STK4: variants seen among roughly 807,000 people sequenced by gnomAD.
STK4 encodes serine/threonine-protein kinase 4.
A neutral mutation model predicts 64.9 loss-of-function variants in STK4; 30 were observed. The observed-to-expected ratio is 0.46, with a 90% CI of 0.35 to 0.63. The LOEUF is 0.63. Ranked by LOEUF, STK4 falls within the 20% of genes least tolerant of loss-of-function variation. The pLI, the probability that STK4 is intolerant of heterozygous loss-of-function variation, is 0.01. For missense variants in STK4, 466 were observed against 598.5 expected, an observed-to-expected ratio of 0.78 and a Z score of 2.31; for synonymous variants, 177 against 199.0, an observed-to-expected ratio of 0.89 and a Z score of 0.93.
intron 2 of STK4, chr20:44,972,789 A>T (rs1476896692): frequency 3.1e-4 from 47 of 151,982 alleles, no homozygotes; most frequent in Admixed American, 3.1e-3. Flanking sequence ...TTCTTCTGTA[A>T]TGACCAGGAA....
At chr20:44,981,127 AT>A (rs1294068153) in intron 3 of STK4, among the ~76,000 whole-genome samples, 1 of 151,590 alleles carries the variant, frequency 6.6e-6, no homozygotes, top group Non-Finnish European at 1.5e-5. Context: ...TTTTTCATGG[AT>A]TCATGATATT....
intron 9 of STK4, among the ~76,000 whole-genome samples, chr20:45,011,708 C>CATACAT (rs1555813494): frequency 1.2e-5 from 1 of 86,904 alleles, no homozygotes; most frequent in Non-Finnish European, 2.3e-5. Context: ...GTAGAACATA[C>CATACAT]ATATATATAT....
intron 5 of STK4, among the ~76,000 whole-genome samples, chr20:44,987,932 T>C (rs1170270052): frequency 1.3e-5 from 2 of 152,018 alleles, no homozygotes; most frequent in Non-Finnish European, 2.9e-5. Flanking sequence ...AGAATGAATA[T>C]ATATAGTGTG....
intron 6 of STK4, among the ~76,000 whole-genome samples, chr20:44,995,851 G>A (rs1013471660): frequency 2.6e-5 from 4 of 152,160 alleles, no homozygotes; most frequent in Admixed American, 2.6e-4. Flanking sequence ...CTCTCTCTCT[G>A]TCTGTCACTC....
intron 10 of STK4, among the ~76,000 whole-genome samples, chr20:45,044,248 C>T (rs886332111): frequency 4.6e-5 from 7 of 152,254 alleles, no homozygotes; most frequent in Non-Finnish European, 7.4e-5. Flanking sequence ...CAATAGATGC[C>T]GCCCTTTCAC....
chr20:45,060,496 A>G (rs1568764048), intron 10 of STK4, among the ~76,000 whole-genome samples: 2 of 152,288 alleles, frequency 1.3e-5, no homozygotes, highest in East Asian at 1.9e-4. Flanking sequence ...GGATTCTTCC[A>G]TCTGTCAATT....
At chr20:44,993,297 G>A (rs2067669468) in intron 5 of STK4, among the ~76,000 whole-genome samples, 1 of 151,660 alleles carries the variant, frequency 6.6e-6, no homozygotes, top group African/African-American at 2.4e-5. Context: ...TGAACTTCTG[G>A]ACTTTATATT....
At chr20:45,012,778 A>G (rs928412478) in intron 9 of STK4, among the ~76,000 whole-genome samples, 1 of 146,470 alleles carries the variant, frequency 6.8e-6, no homozygotes, top group African/African-American at 2.6e-5. Context: ...CTTTATATAT[A>G]ATCTTCTTCT....
intron 4 of STK4, among the ~76,000 whole-genome samples, chr20:44,982,239 C>T (rs1165925394): frequency 6.6e-6 from 1 of 151,676 alleles, no homozygotes; most frequent in Non-Finnish European, 1.5e-5. Flanking sequence ...ACTTCAGGCT[C>T]CTGAGTAGCT....
At chr20:45,002,169 T>A (rs750321918) in intron 9 of STK4, among the ~76,000 whole-genome samples, 5 of 152,242 alleles carry the variant, frequency 3.3e-5, no homozygotes, top group Non-Finnish European at 5.9e-5. Flanking sequence ...AGTACTAAAT[T>A]GTCTACTTGT....
At chr20:45,000,196 A>G (rs2067810528) in intron 7 of STK4, among the ~76,000 whole-genome samples, 196 bp from the exon 8 acceptor site, 1 of 152,232 alleles carries the variant, frequency 6.6e-6, no homozygotes, top group Non-Finnish European at 1.5e-5. Context: ...GCTGAAAAAG[A>G]TAGGCAAAGA....
At chr20:44,998,272 C>T (rs2145690514) in intron 7 of STK4, among the ~76,000 whole-genome samples, 1 of 152,262 alleles carries the variant, frequency 6.6e-6, no homozygotes, top group Middle Eastern at 3.4e-3. Context: ...AATCCTGGCT[C>T]CCAATTTACT....
chr20:44,992,075 T>G (rs2067644944), intron 5 of STK4, among the ~76,000 whole-genome samples: 1 of 152,068 alleles, frequency 6.6e-6, no homozygotes, highest in Non-Finnish European at 1.5e-5. Flanking sequence ...GTTTACTAGT[T>G]GTCTTTTAAT....
intron 3 of STK4, among the ~76,000 whole-genome samples, chr20:44,980,007 G>A (rs775925697): frequency 6.6e-6 from 1 of 152,130 alleles, no homozygotes; most frequent in Non-Finnish European, 1.5e-5. Context: ...ATTTTCAAGC[G>A]TCTACTCTGT....
chr20:44,992,513 A>T (rs1172682085), intron 5 of STK4, among the ~76,000 whole-genome samples: 1 of 151,136 alleles, frequency 6.6e-6, no homozygotes. Flanking sequence ...AAGTATTGGG[A>T]TTAGAGGTAT....
At chr20:44,979,452 G>A (rs189865867) in intron 3 of STK4, among the ~76,000 whole-genome samples, 5 of 152,170 alleles carry the variant, frequency 3.3e-5, no homozygotes, top group Admixed American at 6.5e-5. Flanking sequence ...AGAAAACCAC[G>A]TGGTTTGCTC....
chr20:45,058,713 G>A lies in STK4; in HGVS notation c.1306-16305G>A, dbSNP rs375254061. 2.0e-5 allele frequency among the ~76,000 whole-genome samples: 3 copies of A among 152,256 alleles called. No homozygotes were observed. The East Asian group carries it at 5.8e-4, about 29-fold the overall frequency. Reference sequence around the variant, plus strand: ...GCTCGCAGGGTTTCTTATGTGATTAGCTAGCTCTTTTCCTGAATTATTAAG... The same window carrying A: ...GCTCGCAGGGTTTCTTATGTGATTAACTAGCTCTTTTCCTGAATTATTAAG... On this transcript the variant is annotated intron_variant, in intron 10 of 10. Transcript: ENST00000372806.
intron 10 of STK4, among the ~76,000 whole-genome samples, chr20:45,061,672 A>T (rs1011192101): frequency 6.2e-5 from 9 of 145,610 alleles, no homozygotes; most frequent in African/African-American, 2.3e-4. Flanking sequence ...CATGTCTCTG[A>T]GGTTTGATGT....
intron 10 of STK4, among the ~76,000 whole-genome samples, chr20:45,032,661 C>T (rs567920152): frequency 1.6e-3 from 248 of 152,218 alleles, no homozygotes; most frequent in Non-Finnish European, 3.2e-3. Flanking sequence ...TTTCTTTATC[C>T]AGTCTGTCAT....
Sources: gnomAD v4.1 joint callset for allele counts (sites outside exome capture counted in the v4.1 genomes callset) on GRCh38, gnomAD v4.1.1 for gene constraint, MANE v1.5 for transcripts, NCBI Gene and HGNC (gene_info 2026-07-23, HGNC 2026-07-21) for gene names.